The following PCCA variants were observed in gnomAD, a reference collection of about 807,000 sequenced individuals.
PCCA encodes propionyl-CoA carboxylase alpha chain, mitochondrial.
A neutral mutation model predicts 101.3 loss-of-function variants in PCCA; 74 were observed. The observed-to-expected ratio is 0.73, with a 90% confidence interval of 0.61 to 0.89. The LOEUF is 0.89. Among genes scored for constraint, PCCA ranks in the 40% least tolerant of loss-of-function variants. PCCA has a pLI of 0.00. For missense variants in PCCA, 891 were observed against 907.0 expected, an observed-to-expected ratio of 0.98 and a Z score of 0.23; for synonymous variants, 294 against 313.6, an observed-to-expected ratio of 0.94 and a Z score of 0.66.
At chr13:100,312,619 A>G (rs1199177521) in intron 16 of PCCA, among the ~76,000 whole-genome samples, 2 of 152,238 alleles carry the variant, frequency 1.3e-5, no homozygotes, top group Non-Finnish European at 2.9e-5. Context: ...AATTATGAGC[A>G]TGTTCACCAT....
At chr13:100,345,491 A>G (rs1375914616) in intron 18 of PCCA, among the ~76,000 whole-genome samples, 4 of 152,206 alleles carry the variant, frequency 2.6e-5, no homozygotes, top group Non-Finnish European at 4.4e-5. Context: ...AAGCTGCGGA[A>G]GAAAAGCTTA....
At chr13:100,274,255 C>T (rs957800113) in intron 12 of PCCA, among the ~76,000 whole-genome samples, 5 of 152,052 alleles carry the variant, frequency 3.3e-5, no homozygotes, top group African/African-American at 7.2e-5. Flanking sequence ...TTAATGGGAT[C>T]GTATAGTATT....
chr13:100,463,336 GTTTTTTT>G (rs574359198), intron 21 of PCCA, among the ~76,000 whole-genome samples: 1 of 114,332 alleles, frequency 8.7e-6, no homozygotes, highest in Non-Finnish European at 1.7e-5. Context: ...TATTGGTGTG[GTTTTTTT>G]TTTTTTTTTT....
intron 16 of PCCA, among the ~76,000 whole-genome samples, chr13:100,318,009 G>C (rs1470165135): frequency 1.3e-5 from 2 of 152,026 alleles, no homozygotes; most frequent in Non-Finnish European, 2.9e-5. Context: ...CCATTTTTCA[G>C]CATATCTCCG....
At chr13:100,482,428 T>A (rs947654365) in intron 21 of PCCA, among the ~76,000 whole-genome samples, 1 of 152,102 alleles carries the variant, frequency 6.6e-6, no homozygotes, top group African/African-American at 2.4e-5. Context: ...GATCAGGGGC[T>A]CCAGTGAAAT....
intron 19 of PCCA, among the ~76,000 whole-genome samples, chr13:100,395,624 A>T (rs1363542896): frequency 6.6e-6 from 1 of 152,152 alleles, no homozygotes; most frequent in Non-Finnish European, 1.5e-5. Flanking sequence ...ATTTTATTAC[A>T]TTTGTGTAAA....
chr13:100,380,795 T>C (rs1025683354), intron 19 of PCCA, among the ~76,000 whole-genome samples: 1 of 152,170 alleles, frequency 6.6e-6, no homozygotes, highest in African/African-American at 2.4e-5. Flanking sequence ...TAACAGGAAA[T>C]TGAAGACAAA....
intron 18 of PCCA, among the ~76,000 whole-genome samples, chr13:100,348,914 C>CTTTTCTTTTCTT (rs2072883971): frequency 2.8e-5 from 2 of 70,846 alleles, no homozygotes; most frequent in South Asian, 4.0e-4. Context: ...TCCTTCCTTT[C>CTTTTCTTTTCTT]TTTTCTTTTC....
intron 1 of PCCA, among the ~76,000 whole-genome samples, chr13:100,091,832 C>T (rs1486106705): frequency 6.6e-6 from 1 of 152,152 alleles, no homozygotes; most frequent in Non-Finnish European, 1.5e-5. Flanking sequence ...TTTTCTTCTG[C>T]GTAAATGTTT....
chr13:100,505,601 A>C (rs1051497158), intron 21 of PCCA, among the ~76,000 whole-genome samples: 18 of 152,320 alleles, frequency 1.2e-4, no homozygotes, highest in African/African-American at 4.3e-4. Context: ...GCAGTGACTC[A>C]TGCCTGTAAT....
intron 17 of PCCA, among the ~76,000 whole-genome samples, chr13:100,335,565 C>G (rs1455757639): frequency 6.6e-6 from 1 of 152,150 alleles, no homozygotes; most frequent in African/African-American, 2.4e-5. Flanking sequence ...AAAATTTTCT[C>G]CATATCACTT....
intron 19 of PCCA, among the ~76,000 whole-genome samples, chr13:100,412,584 A>G (rs982893627): frequency 1.3e-5 from 2 of 152,234 alleles, no homozygotes; most frequent in Non-Finnish European, 1.5e-5. Flanking sequence ...AAGTAAGGTC[A>G]TGGCGGTGGC....
intron 5 of PCCA, among the ~76,000 whole-genome samples, chr13:100,156,906 T>C (rs1049415596): frequency 6.6e-6 from 1 of 152,184 alleles, no homozygotes; most frequent in Non-Finnish European, 1.5e-5. Context: ...GCACCAGCCA[T>C]TGTGAAATTC....
intron 11 of PCCA, 30 bp downstream of exon 11, chr13:100,268,813 G>A (rs754549153): frequency 3.4e-6 from 5 of 1,475,784 alleles, no homozygotes; most frequent in South Asian, 1.1e-5. Flanking sequence ...TTTATAAAGC[G>A]GCTGCTTTTA....
intron 23 of PCCA, 65 bp downstream of exon 23, chr13:100,527,817 C>A (rs2275308): frequency 1.6e-6 from 2 of 1,212,766 alleles, no homozygotes; most frequent in Non-Finnish European, 2.4e-6. Flanking sequence ...ACCTTTGAAT[C>A]GTGGGTGGTT....
intron 6 of PCCA, among the ~76,000 whole-genome samples, chr13:100,199,672 C>T (rs1040767572): frequency 2.0e-5 from 3 of 151,896 alleles, no homozygotes; most frequent in African/African-American, 4.8e-5. Flanking sequence ...TGCTTACTGC[C>T]CATATCTAGT....
intron 12 of PCCA, among the ~76,000 whole-genome samples, chr13:100,294,123 G>A (rs1048039571): frequency 3.9e-5 from 6 of 152,104 alleles, no homozygotes; most frequent in Non-Finnish European, 5.9e-5. Flanking sequence ...GTTGCTTGTG[G>A]GTGGCCATCC....
At chr13:100,200,109 A>G (rs1298557618) in intron 6 of PCCA, among the ~76,000 whole-genome samples, 1 of 151,368 alleles carries the variant, frequency 6.6e-6, no homozygotes, top group Admixed American at 6.6e-5. Context: ...TTATTTATTT[A>G]TTTATTTATT....
chr13:100,430,740 A>G (rs2079490059), intron 20 of PCCA, among the ~76,000 whole-genome samples: 1 of 152,200 alleles, frequency 6.6e-6, no homozygotes, highest in Admixed American at 6.5e-5. Flanking sequence ...GTGCCGGTAT[A>G]ACAGCCATGC....
Sources: allele counts gnomAD v4.1 joint callset (sites outside exome capture counted in the v4.1 genomes callset), GRCh38; gene constraint gnomAD v4.1.1; transcripts MANE v1.5; gene names NCBI Gene and HGNC (gene_info 2026-07-23, HGNC 2026-07-21).